Variants in MAN1A1 observed in about 807,000 individuals in gnomAD.
MAN1A1 encodes the protein mannosyl-oligosaccharide 1,2-alpha-mannosidase IA.
A neutral mutation model predicts 70.8 loss-of-function variants in MAN1A1; 29 were observed. That is an observed-to-expected ratio of 0.41 (90% CI 0.31 to 0.56). The LOEUF is 0.56. Among genes scored for constraint, MAN1A1 ranks in the 20% least tolerant of loss-of-function variants. MAN1A1 has a pLI of 0.29. For synonymous variants in MAN1A1, 349 were observed against 330.1 expected, an observed-to-expected ratio of 1.06 and a Z score of -0.62; for missense variants, 747 against 841.3, an observed-to-expected ratio of 0.89 and a Z score of 1.39.
intron 5 of MAN1A1, among the ~76,000 whole-genome samples, chr6:119,283,529 T>C (rs964686968): frequency 4.0e-5 from 6 of 151,582 alleles, no homozygotes; most frequent in African/African-American, 7.3e-5. Flanking sequence ...TAATATCGTA[T>C]GCAGAGAATG....
intron 5 of MAN1A1, among the ~76,000 whole-genome samples, chr6:119,264,312 C>A (rs967195624): frequency 6.6e-6 from 1 of 152,046 alleles, no homozygotes; most frequent in Non-Finnish European, 1.5e-5. Context: ...TCAGGTAATT[C>A]GAAAGGAATG....
At chr6:119,239,130 A>G (rs202069406) in intron 6 of MAN1A1, among the ~76,000 whole-genome samples, 1 of 152,156 alleles carries the variant, frequency 6.6e-6, no homozygotes, top group Admixed American at 6.5e-5. Flanking sequence ...CGCCCGCCTC[A>G]GCCTCCCAAA....
At chr6:119,223,848 TTATA>T (rs1022570921) in intron 6 of MAN1A1, among the ~76,000 whole-genome samples, 1 of 151,490 alleles carries the variant, frequency 6.6e-6, no homozygotes, top group East Asian at 1.9e-4. Flanking sequence ...AATCTGGGCA[TTATA>T]TATATATATT....
chr6:119,283,618 C>T (rs1317710824), intron 5 of MAN1A1, among the ~76,000 whole-genome samples: 1 of 151,804 alleles, frequency 6.6e-6, no homozygotes, highest in Non-Finnish European at 1.5e-5. Context: ...CTGTATCTAT[C>T]TTGGTGGGTG....
Position 119,348,892 on chromosome 6 carries a change from C to T in MAN1A1, c.174G>A (p.Ala58=). Residue 58 remains alanine (A), a synonymous_variant, in exon 2 of 13, where the codon GCG becomes GCA. Transcript: ENST00000368468. ...TGGAGGAGTCTGGCAGGAAGAAGATCGCCCCGAAGCAGAGCGTGATGAAGG... is the reference window on the plus strand; with the variant it reads ...TGGAGGAGTCTGGCAGGAAGAAGATTGCCCCGAAGCAGAGCGTGATGAAGG... The part of the protein sequence containing the change: ...FSAFITLCFG[A]IFFLPDSSKL... 1 of 1,535,124 alleles carries T rather than the reference C, an allele frequency of 6.5e-7. No individual in the cohort carries two copies. The highest frequency in any genetic ancestry group is 1.2e-5 in the South Asian group (1 of 82,170).
chr6:119,201,189 G>A (rs1012762564), intron 8 of MAN1A1, 65 bp downstream of exon 8: 15 of 1,214,608 alleles, frequency 1.2e-5, no homozygotes, highest in Middle Eastern at 1.9e-4. Flanking sequence ...CTGCTTTTGT[G>A]CTTCCTCTCT....
intron 11 of MAN1A1, among the ~76,000 whole-genome samples, chr6:119,187,930 G>C (rs1399204398): frequency 3.9e-5 from 6 of 152,176 alleles, no homozygotes; most frequent in Non-Finnish European, 8.8e-5. Context: ...ACTGGTAAAG[G>C]AATATCCTTA....
chr6:119,300,870 T>C (rs1252281221), intron 4 of MAN1A1, among the ~76,000 whole-genome samples: 2 of 152,232 alleles, frequency 1.3e-5, no homozygotes, highest in African/African-American at 2.4e-5. Flanking sequence ...ATGCGGTATA[T>C]ATAGCAATTA....
rs895069406 is a variant in MAN1A1, at chr6:119,177,575, A to G, written c.*2244T>C. ...GTTTTGTTGAAAATAAGTTTCAACA[A>G]TAAGACTTCAGTTGTTAAAATTAAC... is the stretch of plus-strand genomic sequence containing the variant. On this transcript the variant is annotated 3_prime_UTR_variant, in exon 13 of 13. Coordinates refer to ENST00000368468, the MANE Select transcript of MAN1A1 (RefSeq NM_005907.4). The G allele has an allele frequency of 6.6e-6, 1 of 152,134 alleles. No individual in the cohort carries two copies. Among genetic ancestry groups the G allele is most frequent in the Non-Finnish European group, 1.5e-5 (1 of 67,950 alleles). The allele number at this position is 152,134 out of a possible 1,614,324, so 9.4% of individuals were successfully genotyped here.
At chr6:119,274,625 C>T (rs1485171039) in intron 5 of MAN1A1, among the ~76,000 whole-genome samples, 1 of 152,134 alleles carries the variant, frequency 6.6e-6, no homozygotes, top group Non-Finnish European at 1.5e-5. Context: ...TCAACTACTA[C>T]CATTTTCAAT....
chr6:119,305,785 C>G (rs978690705), intron 3 of MAN1A1, among the ~76,000 whole-genome samples: 3 of 152,106 alleles, frequency 2.0e-5, no homozygotes, highest in African/African-American at 7.2e-5. Flanking sequence ...GTGTAAAGAC[C>G]TGTGCAAAGA....
At chr6:119,226,048 G>A (rs1052244134) in intron 6 of MAN1A1, among the ~76,000 whole-genome samples, 1 of 152,142 alleles carries the variant, frequency 6.6e-6, no homozygotes, top group Non-Finnish European at 1.5e-5. Flanking sequence ...AGGTAAGATG[G>A]TTAAAAAGAT....
At chr6:119,239,873 C>T (rs1774956230) in intron 6 of MAN1A1, among the ~76,000 whole-genome samples, 1 of 152,146 alleles carries the variant, frequency 6.6e-6, no homozygotes, top group Admixed American at 6.5e-5. Flanking sequence ...GTTCTGTACA[C>T]AGCATAAATT....
intron 5 of MAN1A1, among the ~76,000 whole-genome samples, chr6:119,270,885 G>C (rs1427049822): frequency 6.6e-6 from 1 of 152,194 alleles, no homozygotes; most frequent in Non-Finnish European, 1.5e-5. Context: ...CATCCCCTAA[G>C]TAAAGAATCA....
At chr6:119,242,299 T>C (rs1340442204) in intron 6 of MAN1A1, among the ~76,000 whole-genome samples, 3 of 152,108 alleles carry the variant, frequency 2.0e-5, no homozygotes, top group Non-Finnish European at 2.9e-5. Flanking sequence ...TAAATATAAT[T>C]TTAGGGAGCA....
At position 119,246,413 on chromosome 6, in the gene MAN1A1, G is replaced by A. The variant is rs1775168052; in HGVS notation, c.992+1847C>T. Reference sequence around the variant, plus strand: ...GTCAGGAATATGCACTTTATGAGAGGCATATGTTCATCGGAATCTGAAAGT... The same window carrying A: ...GTCAGGAATATGCACTTTATGAGAGACATATGTTCATCGGAATCTGAAAGT... On this transcript the variant is annotated intron_variant, in intron 6 of 12. Transcript: ENST00000368468. Among the ~76,000 whole-genome samples the A allele has an allele frequency of 2.0e-5, 3 of 152,096 alleles. 1 individual carries two copies. The highest frequency in any genetic ancestry group is 2.0e-4 in the Admixed American group (3 of 15,248).
rs139104073 is a variant in MAN1A1 at position 119,333,629 on chromosome 6, A to G, written c.603+14834T>C. On this transcript the variant is annotated intron_variant, in intron 2 of 12. Transcript: ENST00000368468. ...GAACTAACACCTGATTACCTGCAGC[A>G]TATCTGGCTATAAAATCCTCAACCT... is the stretch of plus-strand genomic sequence containing the variant. 7.2e-4 allele frequency among the ~76,000 whole-genome samples: 109 copies of G among 152,364 alleles called. 1 individual carries two copies. The highest frequency in any genetic ancestry group is 2.5e-3 in the African/African-American group (106 of 41,588).
At chr6:119,280,755 C>G (rs1776207702) in intron 5 of MAN1A1, among the ~76,000 whole-genome samples, 1 of 152,152 alleles carries the variant, frequency 6.6e-6, no homozygotes, top group Non-Finnish European at 1.5e-5. Flanking sequence ...GTCAATATGA[C>G]TCAGGCAATA....
Position 119,189,801 on chromosome 6 carries a change from T to C in MAN1A1, c.1409A>G (p.Lys470Arg). Residue 470 changes from lysine (K) to arginine (R), a missense_variant, in exon 10 of 13, where the codon AAG (lysine) becomes AGG (arginine). Transcript: ENST00000368468. ...AEWKGGLLEH[K>R]MGHLTCFAGG... ...CGCGAAGCAGGTCAGGTGGCCCATC[T>C]TGTGCTCCAGGAGGCCCCCTTTCCA... 1 of 1,614,164 alleles carries C rather than the reference T, an allele frequency of 6.2e-7. No individual in the cohort carries two copies. Among genetic ancestry groups the C allele is most frequent in the Middle Eastern group, 1.6e-4 (1 of 6,062 alleles).
Sources: allele counts gnomAD v4.1 joint callset (sites outside exome capture counted in the v4.1 genomes callset), GRCh38; gene constraint gnomAD v4.1.1; transcripts MANE v1.5; gene names NCBI Gene and HGNC (gene_info 2026-07-23, HGNC 2026-07-21).